DEK: variants seen among roughly 807,000 people sequenced by gnomAD.
DEK encodes DEK proto-oncogene.
In DEK, 28 loss-of-function variants were observed where a neutral mutation model predicts 46.8. The observed-to-expected ratio is 0.60, with a 90% CI of 0.44 to 0.82. The LOEUF (loss-of-function observed/expected upper bound fraction) is 0.82. Ranked by LOEUF, DEK falls within the 40% of genes least tolerant of loss-of-function variation. The pLI is 0.00. For synonymous variants in DEK, 160 were observed against 144.5 expected, an observed-to-expected ratio of 1.11 and a Z score of -0.77; for missense variants, 416 against 430.6, an observed-to-expected ratio of 0.97 and a Z score of 0.30.
intron 7 of DEK, among the ~76,000 whole-genome samples, chr6:18,242,688 C>T (rs967993483): frequency 6.6e-6 from 1 of 152,056 alleles, no homozygotes; most frequent in Non-Finnish European, 1.5e-5. Context: ...TGCTTGTGCC[C>T]AAGTACCCTT....
At chr6:18,237,562 G>A in intron 7 of DEK, 46 bp from the exon 8 acceptor site, 1 of 1,564,894 alleles carries the variant, frequency 6.4e-7, no homozygotes, top group South Asian at 1.2e-5. Context: ...GAGATTCAAT[G>A]CTATCCCATC....
rs552402813 is a variant in DEK at position 18,260,073 on chromosome 6, G to C, written c.146-1668C>G. On this transcript the variant is annotated intron_variant, in intron 2 of 10. Transcript: ENST00000652689. ...CTAATATTGCCTCAGTATCTGTGAGGGATTGGTTCCAGGACGCCCCTCAGA... is the reference window on the plus strand; with the variant it reads ...CTAATATTGCCTCAGTATCTGTGAGCGATTGGTTCCAGGACGCCCCTCAGA... 2.1e-4 allele frequency among the ~76,000 whole-genome samples: 32 copies of C among 152,158 alleles called. No homozygotes were observed. In the South Asian group the frequency reaches 2.7e-3, roughly 13 times the overall value.
intron 9 of DEK, among the ~76,000 whole-genome samples, chr6:18,226,542 A>C (rs1238531289): frequency 6.6e-6 from 1 of 152,222 alleles, no homozygotes; most frequent in Non-Finnish European, 1.5e-5. Flanking sequence ...ACTCTGGGAA[A>C]CCTAGGTGGG....
At chr6:18,247,696 G>T (rs1018986301) in intron 7 of DEK, among the ~76,000 whole-genome samples, 2 of 150,526 alleles carry the variant, frequency 1.3e-5, no homozygotes, top group Non-Finnish European at 1.5e-5. Flanking sequence ...TTTTTGAGAC[G>T]GAGTTTCGCT....
intron 8 of DEK, 82 bp downstream of exon 8, chr6:18,237,298 TC>T: frequency 6.9e-7 from 1 of 1,452,354 alleles, no homozygotes. Flanking sequence ...TACCTGTTTC[TC>T]CCACACACTT....
chr6:18,230,938 T>C (rs1021558984), intron 9 of DEK, among the ~76,000 whole-genome samples: 3 of 152,144 alleles, frequency 2.0e-5, no homozygotes, highest in African/African-American at 4.8e-5. Flanking sequence ...TTCTCAGCAC[T>C]ACATCGCACT....
Position 18,237,496 on chromosome 6 carries a change from T to C in DEK, c.783A>G (p.Lys261=). 6.2e-7 allele frequency: 1 copy of C among 1,601,496 alleles called. No individual in the cohort carries two copies. The highest frequency in any genetic ancestry group is 8.5e-7 in the Non-Finnish European group (1 of 1,177,192). Residue 261 remains lysine (K), a synonymous_variant, in exon 8 of 11, where the codon AAA becomes AAG. Transcript: ENST00000652689. ...TAGCTTTCTGTTTAGGTTTTTCTCT[T>C]TTGGCTGTCTTTTTTGGTGGCTGTT... ...SEEEPPKKTA[K]REKPKQKATS...
chr6:18,245,656 T>C (rs1261559264), intron 7 of DEK, among the ~76,000 whole-genome samples: 5 of 152,228 alleles, frequency 3.3e-5, no homozygotes. Context: ...ATATGTACTA[T>C]TTCCCCCTTT....
chr6:18,263,877 G>C lies in DEK; in HGVS notation c.111C>G (p.Asp37Glu), dbSNP rs1216255993. 6.2e-7 allele frequency: 1 copy of C among 1,611,924 alleles called. No individual in the cohort carries two copies. Among genetic ancestry groups the C allele is most frequent in the Non-Finnish European group, 8.5e-7 (1 of 1,179,048 alleles). The change falls in exon 2 of 11, where the codon GAC becomes GAG. Residue 37 changes from aspartate (D) to glutamate (E), a missense_variant. Physicochemically the swap from Asp to Glu is conservative, Grantham distance 45. Coordinates refer to ENST00000652689, the MANE Select transcript of DEK (RefSeq NM_003472.4). ...CCTCCTCCTCCTCCTCGTCGTCCTC[G>C]TCCTCTTCCTCCTCGCTCTCCTCTC... Reference protein sequence around the residue: ...GPREESEEEEDEDDEEEEEEE... With the variant: ...GPREESEEEEEEDDEEEEEEE...
At chr6:18,245,579 A>G (rs775003363) in intron 7 of DEK, among the ~76,000 whole-genome samples, 1 of 151,322 alleles carries the variant, frequency 6.6e-6, no homozygotes, top group Non-Finnish European at 1.5e-5. Context: ...AGGTATTAGG[A>G]TAAGATGAAA....
intron 7 of DEK, among the ~76,000 whole-genome samples, chr6:18,249,387 T>A (rs1582282198): frequency 6.6e-6 from 1 of 152,300 alleles, no homozygotes; most frequent in East Asian, 1.9e-4. Context: ...TTCCCATTTA[T>A]CTACTCTAGT....
chr6:18,263,720 C>T, intron 2 of DEK, 123 bp downstream of exon 2: 1 of 1,587,418 alleles, frequency 6.3e-7, no homozygotes, highest in Non-Finnish European at 8.5e-7. Flanking sequence ...CACATTCTCG[C>T]TGAAAATCAC....
At chr6:18,243,132 G>C (rs994333577) in intron 7 of DEK, among the ~76,000 whole-genome samples, 1 of 151,976 alleles carries the variant, frequency 6.6e-6, no homozygotes, top group African/African-American at 2.4e-5. Context: ...CACTAAAAAA[G>C]GTTTCTTATA....
At chr6:18,226,548 G>A (rs887400837) in intron 9 of DEK, among the ~76,000 whole-genome samples, 2 of 152,222 alleles carry the variant, frequency 1.3e-5, no homozygotes, top group African/African-American at 4.8e-5. Flanking sequence ...GGAAACCTAG[G>A]TGGGAAGATC....
chr6:18,258,082 A>G lies in DEK; in HGVS notation c.248-20T>C. On this transcript the variant is annotated intron_variant, in intron 3 of 10. Coordinates refer to ENST00000652689, the MANE Select transcript of DEK (RefSeq NM_003472.4). ...CCTTTCCTGGGGAAAAAAAAAAATC[A>G]CAATTAAATACCTATGGCTTACTAA... 1.4e-6 allele frequency: 2 copies of G among 1,466,706 alleles called. No homozygotes were observed. The highest frequency in any genetic ancestry group is 1.9e-6 in the Non-Finnish European group (2 of 1,065,410). The allele number at this position is 1,466,706 out of a possible 1,614,324, so 90.9% of individuals were successfully genotyped here. A position where few individuals can be genotyped will look rare whatever the true frequency, so the allele number is the denominator to read the frequency against.
intron 7 of DEK, among the ~76,000 whole-genome samples, chr6:18,248,659 TCA>T (rs1791228468): frequency 1.3e-5 from 2 of 152,310 alleles, no homozygotes; most frequent in South Asian, 4.1e-4. Flanking sequence ...TGTAAATAAC[TCA>T]AGACAAACAT....
intron 6 of DEK, among the ~76,000 whole-genome samples, chr6:18,251,003 T>C (rs987487551): frequency 6.6e-6 from 1 of 152,208 alleles, no homozygotes; most frequent in Non-Finnish European, 1.5e-5. Flanking sequence ...AATTAAACCA[T>C]GTATATTAAA....
In DEK at chr6:18,263,703, T is replaced by C. The variant is rs1279689493; in HGVS notation, c.145+140A>G. The C allele has an allele frequency of 1.3e-5, 20 of 1,559,962 alleles. No homozygotes were observed. The Admixed American group carries it at 3.8e-4, about 30-fold the overall frequency. ...ATCGCTCAAAACAAAAGCAGATAAA[T>C]TGTGCACACATTCTCGCTGAAAATC... On this transcript the variant is annotated intron_variant, in intron 2 of 10. Transcript: ENST00000652689.
At chr6:18,262,823 G>A (rs1478665108) in intron 2 of DEK, among the ~76,000 whole-genome samples, 1 of 152,116 alleles carries the variant, frequency 6.6e-6, no homozygotes, top group Admixed American at 6.5e-5. Flanking sequence ...TATTTAAAAA[G>A]CCATGCTTTA....
Sources: gnomAD v4.1 joint callset for allele counts (sites outside exome capture counted in the v4.1 genomes callset) on GRCh38, gnomAD v4.1.1 for gene constraint, MANE v1.5 for transcripts, NCBI Gene and HGNC (gene_info 2026-07-23, HGNC 2026-07-21) for gene names.